ARHGAP42: variants seen among roughly 807,000 people sequenced by gnomAD.
ARHGAP42 encodes Rho GTPase activating protein 42, also known as rho GTPase-activating protein 42.
ARHGAP42 carries 63 observed loss-of-function variants against 125.0 expected under a neutral mutation model. The observed-to-expected ratio is 0.50, with a 90% CI of 0.41 to 0.62. ARHGAP42 has a LOEUF of 0.62. Among genes scored for constraint, ARHGAP42 ranks in the 20% least tolerant of loss-of-function variants. The pLI is 0.00. For missense variants in ARHGAP42, 766 were observed against 1,024.2 expected (o/e 0.75, Z 3.44); for synonymous variants, 339 against 351.0 (o/e 0.97, Z 0.38).
chr11:100,715,325 A>G (rs1354657314), intron 1 of ARHGAP42, among the ~76,000 whole-genome samples: 1 of 151,976 alleles, frequency 6.6e-6, no homozygotes, highest in Non-Finnish European at 1.5e-5. Context: ...TGTCCTTTGT[A>G]GAACAGGATG....
chr11:100,842,075 C>A (rs1864958000), intron 3 of ARHGAP42, among the ~76,000 whole-genome samples: 1 of 152,148 alleles, frequency 6.6e-6, no homozygotes, highest in South Asian at 2.1e-4. Context: ...TGAAGTATTG[C>A]AAACTAAGCC....
chr11:100,836,006 G>A lies in ARHGAP42; in HGVS notation c.313-23548G>A, dbSNP rs145679108. Among the ~76,000 whole-genome samples the A allele has an allele frequency of 6.1e-3, 928 of 151,898 alleles. 9 individuals carry two copies. The highest frequency in any genetic ancestry group is 0.021 in the African/African-American group (880 of 41,442). ...ACAAGGAAATCTCTTGAGATTTTTGGGTCATTTTTCAAAATCAAGACAAAA... is the reference window on the plus strand; with the variant it reads ...ACAAGGAAATCTCTTGAGATTTTTGAGTCATTTTTCAAAATCAAGACAAAA... On this transcript the variant is annotated intron_variant, in intron 3 of 23. Coordinates refer to ENST00000298815, the MANE Select transcript of ARHGAP42 (RefSeq NM_152432.4).
chr11:100,705,856 C>T (rs1425096261), intron 1 of ARHGAP42, among the ~76,000 whole-genome samples: 1 of 152,138 alleles, frequency 6.6e-6, no homozygotes, highest in Admixed American at 6.5e-5. Context: ...CGTCACTGTG[C>T]CTGGCATATG....
chr11:100,828,750 T>C (rs2135089859), intron 3 of ARHGAP42, among the ~76,000 whole-genome samples: 1 of 151,624 alleles, frequency 6.6e-6, no homozygotes, highest in Non-Finnish European at 1.5e-5. Flanking sequence ...TGCAGTGGCA[T>C]GATCCTAGCT....
intron 2 of ARHGAP42, 147 bp downstream of exon 2, chr11:100,770,585 T>G (rs1182395495): frequency 1.5e-6 from 1 of 663,912 alleles, no homozygotes; most frequent in Non-Finnish European, 2.3e-6. Flanking sequence ...GGAAGAAATT[T>G]TTTCTTTTTG....
At chr11:100,699,553 A>T (rs1303992238) in intron 1 of ARHGAP42, among the ~76,000 whole-genome samples, 1 of 74,590 alleles carries the variant, frequency 1.3e-5, no homozygotes, top group African/African-American at 5.0e-5. Flanking sequence ...ATGGAGTTTC[A>T]CTCTTGTCAC....
At chr11:100,980,550 TTTC>T (rs1218791556) in intron 22 of ARHGAP42, among the ~76,000 whole-genome samples, 5 of 82,516 alleles carry the variant, frequency 6.1e-5, no homozygotes, top group South Asian at 5.0e-4. Context: ...CATACTTCTT[TTTC>T]TTCTTCTTTT....
intron 2 of ARHGAP42, among the ~76,000 whole-genome samples, chr11:100,779,508 G>A (rs1275215649): frequency 7.5e-5 from 8 of 107,112 alleles, no homozygotes; most frequent in Non-Finnish European, 1.1e-4. Context: ...ATATATACAC[G>A]TATATATATA....
intron 8 of ARHGAP42, among the ~76,000 whole-genome samples, chr11:100,940,588 AT>A (rs1327680794): frequency 2.6e-5 from 4 of 152,166 alleles, no homozygotes; most frequent in Non-Finnish European, 4.4e-5. Context: ...GTTACATGGT[AT>A]TTTTGGGGGA....
At chr11:100,719,051 TC>T (rs558550582) in intron 1 of ARHGAP42, among the ~76,000 whole-genome samples, 68 of 152,294 alleles carry the variant, frequency 4.5e-4, no homozygotes, top group African/African-American at 1.3e-3. Context: ...GAACCAATCA[TC>T]CTTCAAAGAA....
intron 1 of ARHGAP42, among the ~76,000 whole-genome samples, chr11:100,768,920 C>T (rs1007493197): frequency 6.6e-6 from 1 of 152,190 alleles, no homozygotes; most frequent in East Asian, 1.9e-4. Context: ...TTGAGAAAAA[C>T]GTCCTTAGGC....
chr11:100,906,871 A>C (rs1241805964), intron 4 of ARHGAP42, among the ~76,000 whole-genome samples: 2 of 152,210 alleles, frequency 1.3e-5, no homozygotes, highest in African/African-American at 4.8e-5. Context: ...AGCACTCCAT[A>C]GTACACATCT....
At chr11:100,886,266 C>A (rs1042876618) in intron 4 of ARHGAP42, among the ~76,000 whole-genome samples, 1 of 152,162 alleles carries the variant, frequency 6.6e-6, no homozygotes, top group Non-Finnish European at 1.5e-5. Context: ...TAAAAACAAG[C>A]ATTTCATCGA....
At position 100,835,703 on chromosome 11, in the gene ARHGAP42, C is replaced by T. The variant is rs146722720; in HGVS notation, c.313-23851C>T. Among the ~76,000 whole-genome samples, 72 of 152,140 alleles carry T rather than the reference C, an allele frequency of 4.7e-4. No individual in the cohort carries two copies. The Middle Eastern group carries it at 0.01, about 22-fold the overall frequency. ...TCTTAATGATATTCCTATTGCCATA[C>T]ACTTTTTTTCATCCTAATTATTTAG... On this transcript the variant is annotated intron_variant, in intron 3 of 23. Transcript: ENST00000298815.
At position 100,787,972 on chromosome 11, in the gene ARHGAP42, A is replaced by G. The variant is rs557687244; in HGVS notation, c.251-7133A>G. 4.0e-5 allele frequency among the ~76,000 whole-genome samples: 4 copies of G among 99,784 alleles called. No homozygotes were observed. In the Admixed American group the frequency reaches 4.7e-4, roughly 12 times the overall value. The allele number at this position is 99,784 out of a possible 152,430, so 65.5% of individuals were successfully genotyped here. Reference sequence around the variant, plus strand: ...ACAAGATAGATAAGTGCTGAGGCAGAGATGCCCCTAACCCTATGCAGAGTA... The same window carrying G: ...ACAAGATAGATAAGTGCTGAGGCAGGGATGCCCCTAACCCTATGCAGAGTA... On this transcript the variant is annotated intron_variant, in intron 2 of 23. Transcript: ENST00000298815.
At chr11:100,785,579 G>T (rs948971213) in intron 2 of ARHGAP42, among the ~76,000 whole-genome samples, 2 of 152,164 alleles carry the variant, frequency 1.3e-5, no homozygotes, top group Non-Finnish European at 1.5e-5. Flanking sequence ...TCACTAGGGT[G>T]GGTGGTGGCA....
At chr11:100,905,873 G>A (rs1170729061) in intron 4 of ARHGAP42, among the ~76,000 whole-genome samples, 1 of 152,176 alleles carries the variant, frequency 6.6e-6, no homozygotes, top group African/African-American at 2.4e-5. Flanking sequence ...AGCTACTCGG[G>A]AGGCCGAGGC....
At chr11:100,798,640 C>A (rs1207320101) in intron 3 of ARHGAP42, among the ~76,000 whole-genome samples, 1 of 152,098 alleles carries the variant, frequency 6.6e-6, no homozygotes, top group Non-Finnish European at 1.5e-5. Flanking sequence ...ATTCATGTGA[C>A]TTGCTTTATT....
chr11:100,943,931 A>G, intron 10 of ARHGAP42, 63 bp downstream of exon 10: 1 of 1,073,604 alleles, frequency 9.3e-7, no homozygotes, highest in Non-Finnish European at 1.3e-6. Context: ...TTCTGTATTT[A>G]AATATAAACA....
Sources: allele counts gnomAD v4.1 joint callset (sites outside exome capture counted in the v4.1 genomes callset), GRCh38; gene constraint gnomAD v4.1.1; transcripts MANE v1.5; gene names NCBI Gene and HGNC (gene_info 2026-07-23, HGNC 2026-07-21).